ERBIN: variants seen among roughly 807,000 people sequenced by gnomAD.
ERBIN encodes the protein densin-180-like protein.
A neutral mutation model predicts 158.4 loss-of-function variants in ERBIN; 60 were observed. The observed-to-expected ratio is 0.38, with a 90% CI of 0.31 to 0.47. The LOEUF is 0.47. Ranked by LOEUF, ERBIN falls within the 20% of genes least tolerant of loss-of-function variation. The pLI, the probability that ERBIN is intolerant of heterozygous loss-of-function variation, is 0.99. For synonymous variants in ERBIN, 594 were observed against 557.2 expected, an observed-to-expected ratio of 1.07 and a Z score of -0.93; for missense variants, 1,610 against 1,648.0, an observed-to-expected ratio of 0.98 and a Z score of 0.40.
chr5:65,981,388 G>A (rs1291985390), intron 1 of ERBIN, among the ~76,000 whole-genome samples: 2 of 151,976 alleles, frequency 1.3e-5, no homozygotes, highest in African/African-American at 2.4e-5. Flanking sequence ...ATAAGTGAAA[G>A]GCAGAAAATA....
intron 1 of ERBIN, among the ~76,000 whole-genome samples, chr5:65,951,565 A>G (rs1236669995): frequency 2.6e-5 from 4 of 152,196 alleles, no homozygotes; most frequent in Non-Finnish European, 2.9e-5. Context: ...CTTAGTCACC[A>G]TAGCTATTTT....
At chr5:65,927,737 A>G (rs1001807640) in intron 1 of ERBIN, among the ~76,000 whole-genome samples, 7 of 152,214 alleles carry the variant, frequency 4.6e-5, no homozygotes, top group African/African-American at 1.4e-4. Flanking sequence ...TCGGTTCTGC[A>G]TAAATAGTGA....
At chr5:65,941,505 A>T (rs765543360) in intron 1 of ERBIN, among the ~76,000 whole-genome samples, 1 of 152,110 alleles carries the variant, frequency 6.6e-6, no homozygotes, top group Non-Finnish European at 1.5e-5. Context: ...AGATTTTGGC[A>T]TATGTGAGGG....
intron 13 of ERBIN, among the ~76,000 whole-genome samples, chr5:66,027,761 C>T (rs1017169910): frequency 1.3e-5 from 2 of 152,030 alleles, no homozygotes; most frequent in African/African-American, 4.8e-5. Context: ...TGGGACCAGT[C>T]TTCCACAGAT....
At chr5:66,026,520 T>C in intron 13 of ERBIN, 103 bp downstream of exon 13, 1 of 500,192 alleles carries the variant, frequency 2.0e-6, no homozygotes. Flanking sequence ...TGTTGCTCTT[T>C]AAATATACAT....
chr5:66,061,641 A>T (rs1251230125), intron 21 of ERBIN, among the ~76,000 whole-genome samples: 1 of 152,148 alleles, frequency 6.6e-6, no homozygotes, highest in African/African-American at 2.4e-5. Context: ...CCTAGCCTTG[A>T]TGGTCTTTAC....
At chr5:65,978,422 A>G (rs866881059) in intron 1 of ERBIN, among the ~76,000 whole-genome samples, 1 of 152,204 alleles carries the variant, frequency 6.6e-6, no homozygotes, top group African/African-American at 2.4e-5. Flanking sequence ...AAGTTACATC[A>G]GTCCTGCTAC....
intron 1 of ERBIN, among the ~76,000 whole-genome samples, chr5:65,972,443 T>TA (rs1749371837): frequency 6.6e-6 from 1 of 151,482 alleles, no homozygotes; most frequent in South Asian, 2.1e-4. Context: ...TAAAGTACTT[T>TA]AGAGAGATGG....
At chr5:65,954,077 G>C (rs1313202637) in intron 1 of ERBIN, among the ~76,000 whole-genome samples, 2 of 152,170 alleles carry the variant, frequency 1.3e-5, no homozygotes, top group African/African-American at 2.4e-5. Context: ...CATCAGTTGG[G>C]TTTAGTTTGC....
intron 17 of ERBIN, among the ~76,000 whole-genome samples, chr5:66,045,240 TGGAG>T (rs1758314168): frequency 2.6e-5 from 4 of 151,930 alleles, no homozygotes; most frequent in Admixed American, 2.0e-4. Flanking sequence ...AAATGTGTAA[TGGAG>T]CTGAAAAACT....
At chr5:66,059,869 T>C (rs530434304) in intron 21 of ERBIN, among the ~76,000 whole-genome samples, 1 of 152,192 alleles carries the variant, frequency 6.6e-6, no homozygotes, top group Non-Finnish European at 1.5e-5. Flanking sequence ...GAACCAGCCT[T>C]GCATCCCAGG....
At chr5:66,003,649 A>G (rs373751627) in intron 4 of ERBIN, among the ~76,000 whole-genome samples, 8 of 152,234 alleles carry the variant, frequency 5.3e-5, no homozygotes, top group Admixed American at 1.3e-4. Context: ...TTGATATATC[A>G]TGGTTACAGA....
Position 66,025,528 on chromosome 5 carries a change from T to G in ERBIN, c.866T>G (p.Met289Arg). Reference protein sequence around the residue: ...TTLKIDENQLMYLPDSIGGLI... With the variant: ...TTLKIDENQLRYLPDSIGGLI... ...CTTAAAATAGATGAAAACCAGTTAATGTATCTGCCAGACTCTATAGGAGGG... is the reference window on the plus strand; with the variant it reads ...CTTAAAATAGATGAAAACCAGTTAAGGTATCTGCCAGACTCTATAGGAGGG... Residue 289 changes from methionine to arginine, a missense_variant, in exon 11 of 26, where the codon ATG becomes AGG. Transcript: ENST00000284037. 6.2e-7 allele frequency: 1 copy of G among 1,612,536 alleles called. No individual in the cohort carries two copies. The highest frequency in any genetic ancestry group is 8.5e-7 in the Non-Finnish European group (1 of 1,178,834).
intron 1 of ERBIN, among the ~76,000 whole-genome samples, chr5:65,949,305 C>A (rs428880): frequency 0.73 from 111,564 of 151,938 alleles, 42,709 homozygotes; most frequent in Non-Finnish European, 0.86. Flanking sequence ...TTCAGACTTT[C>A]TAATAGTTAC....
Position 66,046,493 on chromosome 5 carries a change from C to T in ERBIN, c.1743C>T (p.Ala581=), listed in dbSNP as rs1223947696. 12 of 1,606,968 alleles carry T rather than the reference C, an allele frequency of 7.5e-6. No homozygotes were observed. The highest frequency in any genetic ancestry group is 1.7e-5 in the Admixed American group (1 of 58,934). ...GSLPVTANMK[A]SENLKHIVNH... is the part of the protein sequence containing the mutation. Reference sequence around the variant, plus strand: ...TACCAGTGACTGCAAATATGAAAGCCTCTGAGAACTTGAAGCATATTGTTA... The same window carrying T: ...TACCAGTGACTGCAAATATGAAAGCTTCTGAGAACTTGAAGCATATTGTTA... Residue 581 remains alanine (A), a synonymous_variant, in exon 18 of 26, where the codon GCC becomes GCT. Transcript: ENST00000284037.
intron 7 of ERBIN, among the ~76,000 whole-genome samples, chr5:66,017,255 T>G (rs780112954): frequency 4.6e-5 from 7 of 152,166 alleles, no homozygotes; most frequent in Non-Finnish European, 7.3e-5. Flanking sequence ...TTTTAATTTT[T>G]TTTAGGAACT....
At chr5:66,057,849 G>A (rs1386103349) in intron 21 of ERBIN, among the ~76,000 whole-genome samples, 3 of 151,210 alleles carry the variant, frequency 2.0e-5, no homozygotes, top group Non-Finnish European at 4.4e-5. Context: ...ATGGTTTCCA[G>A]CTTCATCCAT....
In ERBIN at chr5:66,013,653, C is replaced by T. The variant is rs1754430525; in HGVS notation, c.476+15C>T. 3 of 1,561,102 alleles carry T rather than the reference C, an allele frequency of 1.9e-6. No individual in the cohort carries two copies. The highest frequency in any genetic ancestry group is 4.5e-5 in the East Asian group (2 of 44,566). ...AATTTTGGCAGGTAAATTATGGTTT[C>T]TTCTAAAACGTTTTATTATTAGCTC... On this transcript the variant is annotated intron_variant, in intron 6 of 25. Coordinates refer to ENST00000284037, the MANE Select transcript of ERBIN (RefSeq NM_001253697.2).
intron 21 of ERBIN, among the ~76,000 whole-genome samples, chr5:66,068,390 AAC>A (rs1371317432): frequency 2.9e-4 from 44 of 152,278 alleles, no homozygotes; most frequent in African/African-American, 1.1e-3. Flanking sequence ...TGTATATTTA[AAC>A]ACTCAGTTTG....
Sources: allele counts gnomAD v4.1 joint callset (sites outside exome capture counted in the v4.1 genomes callset), GRCh38; gene constraint gnomAD v4.1.1; transcripts MANE v1.5; gene names NCBI Gene and HGNC (gene_info 2026-07-23, HGNC 2026-07-21).